TCF12: variants seen among roughly 807,000 people sequenced by gnomAD.
TCF12 encodes transcription factor 12, also known as DNA-binding protein HTF4.
A neutral mutation model predicts 86.0 loss-of-function variants in TCF12; 45 were observed. The observed-to-expected ratio is 0.52, with a 90% confidence interval of 0.41 to 0.67. The LOEUF (loss-of-function observed/expected upper bound fraction) is 0.67, where lower values mean the gene tolerates loss of function less well. Among genes scored for constraint, TCF12 ranks in the 30% least tolerant of loss-of-function variants. The pLI, the probability that TCF12 is intolerant of heterozygous loss-of-function variation, is 0.00. For missense variants in TCF12, 881 were observed against 859.9 expected, an observed-to-expected ratio of 1.02 and a Z score of -0.31; for synonymous variants, 330 against 299.6, an observed-to-expected ratio of 1.10 and a Z score of -1.05.
At chr15:56,981,803 C>T (rs1652738) in intron 3 of TCF12, among the ~76,000 whole-genome samples, 34,105 of 152,100 alleles carry the variant, frequency 0.22, 3,895 homozygotes, top group Middle Eastern at 0.24. Flanking sequence ...TAGACAAGTG[C>T]AAACATTAAG....
chr15:57,088,515 T>C (rs951290660), intron 4 of TCF12, among the ~76,000 whole-genome samples: 21 of 149,568 alleles, frequency 1.4e-4, no homozygotes, highest in African/African-American at 5.2e-4. Context: ...TTTTTTTCTT[T>C]AAACTGTGGG....
At chr15:57,133,163 C>T (rs1195881051) in intron 5 of TCF12, among the ~76,000 whole-genome samples, 2 of 152,178 alleles carry the variant, frequency 1.3e-5, no homozygotes, top group African/African-American at 4.8e-5. Context: ...ACAAGCCTTG[C>T]ATGCCAACTT....
chr15:57,170,798 A>T lies in TCF12; in HGVS notation c.390+4332A>T, dbSNP rs1448307492. On this transcript the variant is annotated intron_variant, in intron 6 of 20. Coordinates refer to ENST00000333725, the MANE Select transcript of TCF12 (RefSeq NM_207037.2). ...TATATAATATATATATATAATATATATATATAATTTTTTTTTTTTTTTTTT... is the reference window on the plus strand; with the variant it reads ...TATATAATATATATATATAATATATTTATATAATTTTTTTTTTTTTTTTTT... Among the ~76,000 whole-genome samples, 180 of 34,122 alleles carry T rather than the reference A, an allele frequency of 5.3e-3. 8 individuals carry two copies. The highest frequency in any genetic ancestry group is 0.024 in the African/African-American group (172 of 7,226). The allele number at this position is 34,122 out of a possible 152,430, so 22.4% of individuals were successfully genotyped here.
At chr15:57,223,658 T>TA in intron 8 of TCF12, among the ~76,000 whole-genome samples, 2 of 142,640 alleles carry the variant, frequency 1.4e-5, no homozygotes, top group South Asian at 2.2e-4. Context: ...TTTTTTTTTT[T>TA]TTTTTTTTTT....
chr15:57,123,090 T>C (rs977200964), intron 5 of TCF12, among the ~76,000 whole-genome samples: 78 of 152,232 alleles, frequency 5.1e-4, no homozygotes, highest in African/African-American at 1.7e-3. Context: ...CAATGAATGA[T>C]ACAATAGTAA....
At chr15:57,280,754 C>G (rs1372667182) in intron 19 of TCF12, among the ~76,000 whole-genome samples, 4 of 152,102 alleles carry the variant, frequency 2.6e-5, no homozygotes, top group Non-Finnish European at 4.4e-5. Context: ...GGGAGCTGTA[C>G]TAATGGTATA....
intron 3 of TCF12, among the ~76,000 whole-genome samples, chr15:57,044,929 C>T (rs1000582195): frequency 4.6e-5 from 7 of 152,226 alleles, no homozygotes; most frequent in African/African-American, 1.7e-4. Context: ...ATACAAAAAG[C>T]AGTGAAGATA....
At chr15:57,004,431 C>T (rs942325055) in intron 3 of TCF12, among the ~76,000 whole-genome samples, 25 of 151,518 alleles carry the variant, frequency 1.6e-4, no homozygotes, top group African/African-American at 3.1e-4. Context: ...TTTTTTGAGG[C>T]GGAGTCTAGC....
chr15:57,211,366 AC>A (rs1404388226), intron 8 of TCF12, among the ~76,000 whole-genome samples: 2 of 152,182 alleles, frequency 1.3e-5, no homozygotes, highest in Admixed American at 1.3e-4. Context: ...AGAGTTCAAG[AC>A]CAGGCTGGGC....
chr15:57,142,641 A>G (rs1489497446), intron 5 of TCF12, among the ~76,000 whole-genome samples: 1 of 152,230 alleles, frequency 6.6e-6, no homozygotes, highest in African/African-American at 2.4e-5. Context: ...CAGGATTTTT[A>G]CCTAGTCTCA....
chr15:57,033,814 C>G (rs1241255457), intron 3 of TCF12, among the ~76,000 whole-genome samples: 1 of 152,110 alleles, frequency 6.6e-6, no homozygotes, highest in Non-Finnish European at 1.5e-5. Context: ...AGGGATTATA[C>G]AGGTCCAAAA....
chr15:57,108,809 T>C (rs2050302735), intron 5 of TCF12, among the ~76,000 whole-genome samples: 2 of 152,260 alleles, frequency 1.3e-5, no homozygotes, highest in Non-Finnish European at 2.9e-5. Flanking sequence ...TTAAAAGTTC[T>C]GTTTTTTAAA....
chr15:56,974,396 A>G (rs376975884), intron 3 of TCF12, among the ~76,000 whole-genome samples: 1 of 152,112 alleles, frequency 6.6e-6, no homozygotes, highest in African/African-American at 2.4e-5. Context: ...ATTTAGGTGA[A>G]GACTCTATGG....
intron 3 of TCF12, among the ~76,000 whole-genome samples, chr15:56,981,140 T>G (rs2062870032): frequency 1.3e-5 from 2 of 152,230 alleles, no homozygotes; most frequent in African/African-American, 2.4e-5. Context: ...AATAATAATC[T>G]TGCTTCAGGA....
chr15:56,996,035 G>C (rs776348324), intron 3 of TCF12, among the ~76,000 whole-genome samples: 30 of 152,152 alleles, frequency 2.0e-4, no homozygotes, highest in South Asian at 4.1e-4. Context: ...TGCATCTATT[G>C]AGATGATCAT....
intron 8 of TCF12, among the ~76,000 whole-genome samples, chr15:57,204,550 T>TA (rs1566911860): frequency 6.6e-6 from 1 of 152,122 alleles, no homozygotes; most frequent in Non-Finnish European, 1.5e-5. Flanking sequence ...TGGCTCTTTT[T>TA]AAAAAAATGT....
intron 5 of TCF12, among the ~76,000 whole-genome samples, chr15:57,118,959 C>T (rs2051029455): frequency 6.6e-6 from 1 of 151,902 alleles, no homozygotes; most frequent in African/African-American, 2.4e-5. Context: ...TTTTTTCCCC[C>T]AAAGGATATA....
At chr15:57,274,375 G>A (rs2061283728) in intron 19 of TCF12, among the ~76,000 whole-genome samples, 1 of 152,202 alleles carries the variant, frequency 6.6e-6, no homozygotes, top group East Asian at 1.9e-4. Flanking sequence ...ATCATTTTGT[G>A]TATAATCAAC....
chr15:57,278,692 C>T (rs934045534), intron 19 of TCF12: 4 of 173,932 alleles, frequency 2.3e-5, no homozygotes, highest in Admixed American at 1.5e-4. Context: ...TCCTCCCTCT[C>T]CCTCTCTCTC....
Sources: gnomAD v4.1 joint callset for allele counts (sites outside exome capture counted in the v4.1 genomes callset) on GRCh38, gnomAD v4.1.1 for gene constraint, MANE v1.5 for transcripts, NCBI Gene and HGNC (gene_info 2026-07-23, HGNC 2026-07-21) for gene names.